The following CEP112 variants were observed in gnomAD, a reference collection of about 807,000 sequenced individuals.
CEP112 encodes centrosomal protein 112.
A neutral mutation model predicts 153.0 loss-of-function variants in CEP112; 127 were observed. The ratio of observed to expected loss-of-function variants is 0.83; its 90% CI spans 0.72 to 0.96. The LOEUF (loss-of-function observed/expected upper bound fraction) is 0.96. CEP112 is among the 40% of genes least tolerant of loss of function. The probability of loss-of-function intolerance (pLI) is 0.00; values close to 1 mark genes in which losing one functional copy is unlikely to be tolerated. For missense variants in CEP112, 1,089 were observed against 1,101.2 expected (o/e 0.99, Z 0.16); for synonymous variants, 358 against 374.4 (o/e 0.96, Z 0.51).
chr17:65,829,056 C>T (rs762826209), intron 21 of CEP112, among the ~76,000 whole-genome samples: 124 of 152,098 alleles, frequency 8.2e-4, no homozygotes, highest in Non-Finnish European at 1.6e-3. Context: ...GCACCCTAGG[C>T]ATCTTGGTAT....
chr17:65,753,382 T>C (rs1481395618), intron 21 of CEP112, among the ~76,000 whole-genome samples: 1 of 152,246 alleles, frequency 6.6e-6, no homozygotes, highest in Non-Finnish European at 1.5e-5. Context: ...CCTCAGTCCA[T>C]ACCTTTGAAG....
intron 20 of CEP112, among the ~76,000 whole-genome samples, chr17:65,873,861 C>G (rs554371364): frequency 9.9e-5 from 15 of 152,136 alleles, no homozygotes; most frequent in African/African-American, 3.6e-4. Flanking sequence ...GTAAAAGATG[C>G]CTTGAATATG....
intron 20 of CEP112, among the ~76,000 whole-genome samples, chr17:65,857,026 G>A (rs376808425): frequency 5.2e-4 from 79 of 152,242 alleles, no homozygotes; most frequent in African/African-American, 1.7e-3. Flanking sequence ...TGAATACTGC[G>A]ATGAAGCAAA....
intron 24 of CEP112, among the ~76,000 whole-genome samples, chr17:65,666,128 C>T (rs1446364926): frequency 1.3e-5 from 2 of 152,218 alleles, no homozygotes; most frequent in Non-Finnish European, 2.9e-5. Context: ...TCATATGTTG[C>T]CAGGTTTTTT....
chr17:66,030,854 G>T (rs1275103351), intron 12 of CEP112, among the ~76,000 whole-genome samples: 4 of 152,156 alleles, frequency 2.6e-5, no homozygotes, highest in Non-Finnish European at 5.9e-5. Context: ...TTAGTATGAT[G>T]TTGCACTCAA....
intron 21 of CEP112, among the ~76,000 whole-genome samples, chr17:65,839,389 C>T (rs138086226): frequency 6.6e-5 from 10 of 151,376 alleles, no homozygotes; most frequent in African/African-American, 1.7e-4. Context: ...ATCACATTAA[C>T]GAAACCAAGA....
chr17:65,741,125 T>C (rs1452251383), intron 23 of CEP112, among the ~76,000 whole-genome samples: 1 of 152,156 alleles, frequency 6.6e-6, no homozygotes, highest in Non-Finnish European at 1.5e-5. Flanking sequence ...CCATTTGTAA[T>C]ATGGGGATGA....
intron 20 of CEP112, among the ~76,000 whole-genome samples, chr17:65,867,832 C>T (rs1252217160): frequency 1.3e-5 from 2 of 151,862 alleles, no homozygotes; most frequent in South Asian, 2.1e-4. Context: ...AGACTGCTGT[C>T]AAGTTGGAAA....
intron 21 of CEP112, among the ~76,000 whole-genome samples, chr17:65,832,514 T>C (rs553993324): frequency 5.9e-5 from 9 of 151,362 alleles, no homozygotes; most frequent in African/African-American, 2.2e-4. Flanking sequence ...GAAATGACTA[T>C]GGGAATGTTA....
intron 4 of CEP112, among the ~76,000 whole-genome samples, chr17:66,135,488 G>C (rs2070393516): frequency 6.6e-6 from 1 of 152,062 alleles, no homozygotes; most frequent in Non-Finnish European, 1.5e-5. Context: ...AGCAAGTCCT[G>C]GTGCTTATAA....
Position 66,027,508 on chromosome 17 carries a change from T to A in CEP112, c.1649A>T (p.Glu550Val), listed in dbSNP as rs368435195. ...TTCCATAAAACATATTACCTTTTTT[T>A]CATAGATGTGTTTTAAATGACTTTT... ...MEKSHLKHIY[E>V]KKAHDLQSEL... is the part of the protein sequence containing the mutation. The change falls in exon 16 of 27, where the codon GAA becomes GTA. Residue 550 changes from glutamate to valine, a missense_variant. Glu to Val is a moderately radical substitution (Grantham distance 121). Coordinates refer to ENST00000535342, the MANE Select transcript of CEP112 (RefSeq NM_001199165.4). 1.0e-5 allele frequency: 14 copies of A among 1,337,992 alleles called. No individual in the cohort carries two copies. The highest frequency in any genetic ancestry group is 1.0e-6 in the Non-Finnish European group (1 of 1,000,940). 82.9% of individuals were successfully genotyped at this position (1,337,992 alleles called of 1,614,324 possible). A position where few individuals can be genotyped will look rare whatever the true frequency, so the allele number is the denominator to read the frequency against.
At chr17:65,688,892 C>T (rs994975808) in intron 24 of CEP112, 3 of 339,252 alleles carry the variant, frequency 8.8e-6, no homozygotes, top group African/African-American at 4.3e-5. Context: ...CTCAGCCTCC[C>T]AAGTAACTGG....
At chr17:65,918,632 A>G (rs1420791) in intron 19 of CEP112, among the ~76,000 whole-genome samples, 8,110 of 152,282 alleles carry the variant, frequency 0.053, 272 homozygotes, top group Admixed American at 0.073. Context: ...ATAGTCCAGG[A>G]AGTCCTAGCA....
At chr17:65,698,046 TC>T in intron 23 of CEP112, among the ~76,000 whole-genome samples, 1 of 152,266 alleles carries the variant, frequency 6.6e-6, no homozygotes, top group Non-Finnish European at 1.5e-5. Flanking sequence ...CAGTTTTTTT[TC>T]ACATTCCCAG....
At chr17:65,762,282 TA>T (rs1567975902) in intron 21 of CEP112, among the ~76,000 whole-genome samples, 5 of 152,192 alleles carry the variant, frequency 3.3e-5, no homozygotes, top group Admixed American at 2.0e-4. Flanking sequence ...GTATGGTATA[TA>T]TTTTTTTTGA....
rs370026993 is a variant in CEP112, at chr17:66,157,705, CAAAAAAA to C, written c.470+17332_470+17338del. On this transcript the variant is annotated intron_variant, in intron 4 of 26. Coordinates refer to ENST00000535342, the MANE Select transcript of CEP112 (RefSeq NM_001199165.4). ...GAATATTTACCAAGCAAATGGAAAG[CAAAAAAA>C]AAAAAAAAAAGCAGGGGTTGCAATC... 6.4e-5 allele frequency among the ~76,000 whole-genome samples: 6 copies of C among 93,830 alleles called. No homozygotes were observed. In the South Asian group the frequency reaches 1.2e-3, roughly 19 times the overall value. 61.6% of individuals were successfully genotyped at this position (93,830 alleles called of 152,430 possible).
chr17:66,027,047 A>C (rs2065241888), intron 16 of CEP112, among the ~76,000 whole-genome samples: 1 of 152,214 alleles, frequency 6.6e-6, no homozygotes, highest in African/African-American at 2.4e-5. Flanking sequence ...AAATAAGCAA[A>C]ATTTAATTAC....
chr17:66,087,579 G>C (rs1328422160), intron 8 of CEP112, among the ~76,000 whole-genome samples: 2 of 152,136 alleles, frequency 1.3e-5, no homozygotes, highest in Non-Finnish European at 2.9e-5. Flanking sequence ...ATGTCAGCAA[G>C]ATGGCAGACT....
At chr17:65,824,892 A>T (rs2056764870) in intron 21 of CEP112, among the ~76,000 whole-genome samples, 1 of 152,344 alleles carries the variant, frequency 6.6e-6, no homozygotes, top group Non-Finnish European at 1.5e-5. Flanking sequence ...GGAATGTAAA[A>T]TGATGCAGAT....
Sources: allele counts gnomAD v4.1 joint callset (sites outside exome capture counted in the v4.1 genomes callset), GRCh38; gene constraint gnomAD v4.1.1; transcripts MANE v1.5; gene names NCBI Gene and HGNC (gene_info 2026-07-23, HGNC 2026-07-21).